FANCD2OS: variants seen among roughly 807,000 people sequenced by gnomAD.
The protein encoded by FANCD2OS is FANCD2 opposite strand.
FANCD2OS carries 11 observed loss-of-function variants against 13.2 expected under a neutral mutation model. The observed-to-expected ratio is 0.83, with a 90% CI of 0.52 to 1.38. FANCD2OS has a LOEUF of 1.38. Ranked by LOEUF, FANCD2OS falls within the 40% of genes most tolerant of loss-of-function variation. FANCD2OS has a pLI of 0.00. For missense variants in FANCD2OS, 217 were observed against 213.9 expected (o/e 1.01, Z -0.09); for synonymous variants, 69 against 84.5 (o/e 0.82, Z 1.01).
chr3:10,106,394 A>G (rs1174789448), intron 1 of FANCD2OS, among the ~76,000 whole-genome samples: 4 of 152,206 alleles, frequency 2.6e-5, no homozygotes, highest in Non-Finnish European at 5.9e-5. Context: ...TTGCCAGTAT[A>G]TAAGAAGTTT....
chr3:10,087,248 G>C (rs1369507563), intron 2 of FANCD2OS: 1 of 1,532,252 alleles, frequency 6.5e-7, no homozygotes, highest in Non-Finnish European at 8.9e-7. Context: ...CTTCTGCTCA[G>C]AACAAAGAAA....
chr3:10,089,531 G>A (rs1245342442), intron 2 of FANCD2OS, among the ~76,000 whole-genome samples: 1 of 151,976 alleles, frequency 6.6e-6, no homozygotes, highest in African/African-American at 2.4e-5. Context: ...GTGCAGTGGC[G>A]TAATCTCAGC....
chr3:10,085,053 G>A (rs2125067652), intron 2 of FANCD2OS, among the ~76,000 whole-genome samples: 1 of 152,286 alleles, frequency 6.6e-6, no homozygotes, highest in East Asian at 1.9e-4. Context: ...AGATAGAAAT[G>A]TCAAGACTTG....
chr3:10,085,852 T>A (rs1343916595), intron 2 of FANCD2OS: 1 of 1,613,872 alleles, frequency 6.2e-7, no homozygotes, highest in East Asian at 2.2e-5. Flanking sequence ...TTTACTGTAT[T>A]CAGCCCTCCA....
intron 2 of FANCD2OS, among the ~76,000 whole-genome samples, chr3:10,096,642 G>A (rs775074145): frequency 8.5e-5 from 13 of 152,082 alleles, no homozygotes; most frequent in Admixed American, 5.2e-4. Flanking sequence ...CATGGGCCCT[G>A]GTCACAGGCT....
chr3:10,095,322 C>A (rs1468107710), intron 2 of FANCD2OS: 3 of 1,463,130 alleles, frequency 2.1e-6, no homozygotes, highest in Admixed American at 1.7e-5. Flanking sequence ...TTGGCTTAAT[C>A]TGCAGTTGCT....
intron 2 of FANCD2OS, among the ~76,000 whole-genome samples, chr3:10,097,786 A>G (rs1229331920): frequency 6.6e-6 from 1 of 152,248 alleles, no homozygotes; most frequent in Non-Finnish European, 1.5e-5. Flanking sequence ...GTAAGTGTCC[A>G]TGAAATCTTT....
chr3:10,101,199 A>C, downstream of FANCD2OS: 3 of 1,613,040 alleles, frequency 1.9e-6, no homozygotes, highest in African/African-American at 1.3e-5. Context: ...ATGGTGAAGA[A>C]GACGAAGTAA....
At chr3:10,087,783 G>A (rs530311832) in intron 2 of FANCD2OS, among the ~76,000 whole-genome samples, 2 of 152,056 alleles carry the variant, frequency 1.3e-5, no homozygotes, top group South Asian at 4.2e-4. Flanking sequence ...CAAGTAGCTG[G>A]GATTACAGGT....
intron 1 of FANCD2OS, among the ~76,000 whole-genome samples, chr3:10,105,855 C>G (rs1159554492): frequency 7.6e-6 from 1 of 131,696 alleles, no homozygotes; most frequent in African/African-American, 2.7e-5. Context: ...CCTGTAGTAG[C>G]AGCTTCAGCA....
chr3:10,088,843 C>T (rs777378549), intron 2 of FANCD2OS: 1 of 1,614,010 alleles, frequency 6.2e-7, no homozygotes, highest in Non-Finnish European at 8.5e-7. Flanking sequence ...ACCTGGAGCA[C>T]ACAGAGAGCA....
In FANCD2OS at chr3:10,104,143, A is replaced by G. The variant is rs1695401696; in HGVS notation, c.*98T>C. 2.6e-6 allele frequency: 3 copies of G among 1,137,648 alleles called. No homozygotes were observed. Among genetic ancestry groups the G allele is most frequent in the Non-Finnish European group, 3.7e-6 (3 of 814,038 alleles). The allele number at this position is 1,137,648 out of a possible 1,614,324, so 70.5% of individuals were successfully genotyped here. ...TTGAAACAAAAGCAAGATGGCTGGG[A>G]CAATGTCACAGTTTCATTTACATGG... On this transcript the variant is annotated 3_prime_UTR_variant, in exon 2 of 2. Coordinates refer to ENST00000450660, the MANE Select transcript of FANCD2OS (RefSeq NM_001164839.2).
chr3:10,084,173 T>C (rs970596925), intron 2 of FANCD2OS, among the ~76,000 whole-genome samples: 3 of 151,994 alleles, frequency 2.0e-5, no homozygotes, highest in Non-Finnish European at 4.4e-5. Flanking sequence ...TTTGTATTTT[T>C]AGTAGAGACG....
chr3:10,081,416 C>A (rs777729489), exon 3 of FANCD2OS: 2 of 1,614,090 alleles, frequency 1.2e-6, no homozygotes, highest in Non-Finnish European at 1.7e-6. Context: ...CACATAATGT[C>A]TTCCTGCTAT....
intron 2 of FANCD2OS, among the ~76,000 whole-genome samples, chr3:10,082,379 CCT>C (rs1241762182): frequency 5.3e-5 from 8 of 152,306 alleles, no homozygotes; most frequent in African/African-American, 1.9e-4. Context: ...TCACACTTGG[CCT>C]CTCTCAGTCC....
intron 2 of FANCD2OS, among the ~76,000 whole-genome samples, chr3:10,084,208 G>T (rs533521006): frequency 2.1e-3 from 317 of 150,446 alleles, no homozygotes; most frequent in Middle Eastern, 7.8e-3. Flanking sequence ...TGGCCAGGCT[G>T]GTCTTGAACT....
intron 1 of FANCD2OS, among the ~76,000 whole-genome samples, chr3:10,105,762 AAAAAAAAAATTATATAT>A (rs1471931881): frequency 8.0e-5 from 6 of 75,048 alleles, no homozygotes; most frequent in African/African-American, 6.3e-4. Context: ...AAAAAAAAAA[AAAAAAAAAATTATATAT>A]ATATATATAT....
downstream of FANCD2OS, among the ~76,000 whole-genome samples, chr3:10,102,291 A>C (rs1053607977): frequency 1.3e-5 from 2 of 151,730 alleles, no homozygotes; most frequent in East Asian, 3.9e-4. Context: ...CTACAGGCAC[A>C]CGCCACCATG....
At chr3:10,094,610 A>G (rs1694844040) in intron 2 of FANCD2OS, among the ~76,000 whole-genome samples, 1 of 151,642 alleles carries the variant, frequency 6.6e-6, no homozygotes, top group African/African-American at 2.4e-5. Context: ...TTTTAGCTTG[A>G]TTTTATTGTG....
Sources: allele counts gnomAD v4.1 joint callset (sites outside exome capture counted in the v4.1 genomes callset), GRCh38; gene constraint gnomAD v4.1.1; transcripts MANE v1.5; gene names NCBI Gene and HGNC (gene_info 2026-07-23, HGNC 2026-07-21).